DOCK3: variants seen among roughly 807,000 people sequenced by gnomAD.
DOCK3 encodes the protein dedicator of cytokinesis protein 3.
Under a neutral mutation model 265.6 loss-of-function variants are expected in DOCK3, and 60 were observed. That is an observed-to-expected ratio of 0.23 (90% CI 0.18 to 0.28). DOCK3 has a LOEUF of 0.28. DOCK3 is among the 10% of genes least tolerant of loss of function. DOCK3 has a pLI of 1.00. For synonymous variants in DOCK3, 881 were observed against 938.0 expected (o/e 0.94, Z 1.11); for missense variants, 1,981 against 2,594.3 (o/e 0.76, Z 5.14).
chr3:51,116,657 C>G (rs2083758101), intron 9 of DOCK3, among the ~76,000 whole-genome samples: 1 of 152,048 alleles, frequency 6.6e-6, no homozygotes, highest in Non-Finnish European at 1.5e-5. Context: ...GTTTGTAGTT[C>G]TCCTTGTAGA....
At chr3:50,937,478 C>A (rs1031548195) in intron 5 of DOCK3, among the ~76,000 whole-genome samples, 1 of 151,942 alleles carries the variant, frequency 6.6e-6, no homozygotes, top group Non-Finnish European at 1.5e-5. Flanking sequence ...GACGGTGAGA[C>A]CCTGTCTCTA....
chr3:51,023,576 C>T (rs62257853), intron 5 of DOCK3, among the ~76,000 whole-genome samples: 25,274 of 151,922 alleles, frequency 0.17, 2,495 homozygotes, highest in South Asian at 0.36. Flanking sequence ...CCACCATGCC[C>T]GGCTAATTTT....
intron 38 of DOCK3, among the ~76,000 whole-genome samples, chr3:51,347,388 A>G (rs1338475866): frequency 3.3e-5 from 5 of 152,178 alleles, no homozygotes; most frequent in Non-Finnish European, 7.3e-5. Context: ...CCATTTATTA[A>G]ATAGGGAATC....
intron 3 of DOCK3, among the ~76,000 whole-genome samples, chr3:50,848,998 C>A (rs781681252): frequency 6.6e-6 from 1 of 151,892 alleles, no homozygotes; most frequent in Non-Finnish European, 1.5e-5. Context: ...TTAAAAAGTT[C>A]TTTTTTCTTT....
intron 7 of DOCK3, among the ~76,000 whole-genome samples, chr3:51,084,613 G>C (rs1478559947): frequency 6.6e-6 from 1 of 152,152 alleles, no homozygotes; most frequent in Non-Finnish European, 1.5e-5. Flanking sequence ...TCTGTATCTG[G>C]AAGCGAAAGG....
chr3:50,886,208 A>G (rs190201709), intron 3 of DOCK3, among the ~76,000 whole-genome samples: 2,002 of 136,140 alleles, frequency 0.015, 102 homozygotes, highest in Non-Finnish European at 0.023. Flanking sequence ...ATATATATAT[A>G]TTCCAGAGTT....
At chr3:50,945,702 T>C (rs552101275) in intron 5 of DOCK3, among the ~76,000 whole-genome samples, 1 of 152,284 alleles carries the variant, frequency 6.6e-6, no homozygotes, top group South Asian at 2.1e-4. Context: ...AGAATATTGA[T>C]TTGTTAAAGA....
chr3:51,006,797 G>A (rs1419467135), intron 5 of DOCK3, among the ~76,000 whole-genome samples: 8 of 152,124 alleles, frequency 5.3e-5, no homozygotes, highest in Admixed American at 3.9e-4. Flanking sequence ...CAACAGGCCC[G>A]GGTGTATGTT....
In DOCK3 at chr3:50,924,664, G is replaced by A. The variant is rs541807118; in HGVS notation, c.219-9317G>A. Among the ~76,000 whole-genome samples, 7 of 152,362 alleles carry A rather than the reference G, an allele frequency of 4.6e-5. No homozygotes were observed. The South Asian group carries it at 1.4e-3, about 32-fold the overall frequency. On this transcript the variant is annotated intron_variant, in intron 4 of 52. Coordinates refer to ENST00000266037, the MANE Select transcript of DOCK3 (RefSeq NM_004947.5). ...CAGTTGGCTAATCCACTTGGAATAT[G>A]TGTACCACATCCAAGTCTCAGGGTT...
chr3:51,064,694 A>C, intron 6 of DOCK3, 98 bp downstream of exon 6: 1 of 1,432,268 alleles, frequency 7.0e-7, no homozygotes, highest in Non-Finnish European at 9.5e-7. Context: ...TTAATGATTC[A>C]AAGGCAATGT....
At chr3:51,264,880 CAAAG>C (rs1174034036) in intron 23 of DOCK3, among the ~76,000 whole-genome samples, 1 of 129,312 alleles carries the variant, frequency 7.7e-6, no homozygotes, top group African/African-American at 2.9e-5. Context: ...AACAGAGACA[CAAAG>C]AATCCTTGAA....
intron 9 of DOCK3, among the ~76,000 whole-genome samples, chr3:51,143,272 ATG>A (rs34536534): frequency 0.91 from 133,324 of 146,058 alleles, 60,872 homozygotes; most frequent in African/African-American, 0.95. Context: ...TTTTTTTTTT[ATG>A]TGTGTGTGTG....
At chr3:50,765,072 GTTTTTTTTTTTTTTTT>G (rs34672189) in intron 1 of DOCK3, among the ~76,000 whole-genome samples, 1 of 47,434 alleles carries the variant, frequency 2.1e-5, no homozygotes, top group Non-Finnish European at 3.6e-5. Flanking sequence ...ACTTTCTTAG[GTTTTTTTTTTTTTTTT>G]TTTTTTTTTT....
intron 5 of DOCK3, among the ~76,000 whole-genome samples, chr3:50,955,658 C>G (rs1181831953): frequency 6.6e-6 from 1 of 152,032 alleles, no homozygotes; most frequent in East Asian, 1.9e-4. Flanking sequence ...AAGAAGGGCA[C>G]AACAGACACT....
intron 1 of DOCK3, among the ~76,000 whole-genome samples, chr3:50,759,806 T>C (rs2040415185): frequency 6.6e-6 from 1 of 151,048 alleles, no homozygotes; most frequent in Non-Finnish European, 1.5e-5. Flanking sequence ...TACAATAAGC[T>C]GTAATCATGC....
chr3:50,885,912 C>A (rs1324714946), intron 3 of DOCK3, among the ~76,000 whole-genome samples: 1 of 152,026 alleles, frequency 6.6e-6, no homozygotes, highest in African/African-American at 2.4e-5. Flanking sequence ...TGCTGTTTGA[C>A]AGCAGGGTAG....
intron 5 of DOCK3, among the ~76,000 whole-genome samples, chr3:50,998,813 T>G (rs1451554011): frequency 6.6e-6 from 1 of 152,200 alleles, no homozygotes; most frequent in Non-Finnish European, 1.5e-5. Context: ...CATGGAAAAC[T>G]GTCATTTAGA....
At chr3:50,929,177 G>A (rs887318962) in intron 4 of DOCK3, among the ~76,000 whole-genome samples, 1 of 152,156 alleles carries the variant, frequency 6.6e-6, no homozygotes, top group Non-Finnish European at 1.5e-5. Context: ...GCAGAATTTG[G>A]TTTTCAGAAG....
chr3:51,169,639 A>G (rs952856731), intron 12 of DOCK3, among the ~76,000 whole-genome samples: 8 of 152,086 alleles, frequency 5.3e-5, no homozygotes, highest in Non-Finnish European at 1.0e-4. Flanking sequence ...ATTGGGTACT[A>G]GGCCTAGTAC....
Sources: gnomAD v4.1 joint callset for allele counts (sites outside exome capture counted in the v4.1 genomes callset) on GRCh38, gnomAD v4.1.1 for gene constraint, MANE v1.5 for transcripts, NCBI Gene and HGNC (gene_info 2026-07-23, HGNC 2026-07-21) for gene names.